The following MGAT4D variants were observed in gnomAD, a reference collection of about 807,000 sequenced individuals.
MGAT4D encodes alpha-1,3-mannosyl-glycoprotein 4-beta-N-acetylglucosaminyltransferase-like protein MGAT4D.
In MGAT4D, 34 loss-of-function variants were observed where a neutral mutation model predicts 15.9. The observed-to-expected ratio is 2.14, with a 90% CI of 1.62 to 2.84. The LOEUF is 2.84. Among genes scored for constraint, MGAT4D ranks in the 30% most tolerant of loss-of-function variants. The pLI, the probability that MGAT4D is intolerant of heterozygous loss-of-function variation, is 0.00. For missense variants in MGAT4D, 327 were observed against 140.2 expected (o/e 2.33, Z -6.73); for synonymous variants, 112 against 48.2 (o/e 2.33, Z -5.49).
At chr4:140,462,274 A>G (rs926071351) in intron 6 of MGAT4D, among the ~76,000 whole-genome samples, 2 of 152,142 alleles carry the variant, frequency 1.3e-5, no homozygotes, top group African/African-American at 2.4e-5. Context: ...ATAAGTTTTG[A>G]TCTAGATAAT....
chr4:140,485,942 A>T (rs998624949), intron 1 of MGAT4D, among the ~76,000 whole-genome samples: 4 of 151,316 alleles, frequency 2.6e-5, no homozygotes, highest in African/African-American at 9.7e-5. Flanking sequence ...CCTGTGGCAA[A>T]AATTGGATAA....
At chr4:140,482,040 G>A (rs937831551) in intron 2 of MGAT4D, among the ~76,000 whole-genome samples, 2 of 152,186 alleles carry the variant, frequency 1.3e-5, no homozygotes, top group African/African-American at 4.8e-5. Flanking sequence ...GTATGCAAGA[G>A]GTAGAGCGAG....
At chr4:140,468,292 CTACAA>C (rs1731681250) in intron 5 of MGAT4D, among the ~76,000 whole-genome samples, 1 of 152,074 alleles carries the variant, frequency 6.6e-6, no homozygotes, top group Non-Finnish European at 1.5e-5. Flanking sequence ...TCAATTCTAA[CTACAA>C]TACGGCAATT....
intron 1 of MGAT4D, among the ~76,000 whole-genome samples, chr4:140,493,049 T>A (rs1733605075): frequency 6.6e-6 from 1 of 152,208 alleles, no homozygotes; most frequent in Non-Finnish European, 1.5e-5. Context: ...TCCATTTTCT[T>A]GCTTCCTTAT....
chr4:140,488,858 ACT>A (rs901588488), intron 1 of MGAT4D, among the ~76,000 whole-genome samples: 4 of 151,062 alleles, frequency 2.6e-5, no homozygotes, highest in Non-Finnish European at 4.4e-5. Context: ...CCTCCCTGCC[ACT>A]CTCTCTCACT....
chr4:140,455,444 T>G (rs1730736348), intron 9 of MGAT4D, among the ~76,000 whole-genome samples: 1 of 152,250 alleles, frequency 6.6e-6, no homozygotes, highest in African/African-American at 2.4e-5. Context: ...AAAAATCATT[T>G]CAGTTTAAAT....
At chr4:140,495,582 A>G (rs751434481) in intron 1 of MGAT4D, among the ~76,000 whole-genome samples, 24 of 152,240 alleles carry the variant, frequency 1.6e-4, no homozygotes, top group Non-Finnish European at 2.8e-4. Context: ...AGTAGTGAAC[A>G]CAACAGAACA....
intron 7 of MGAT4D, among the ~76,000 whole-genome samples, chr4:140,461,545 T>C (rs909531172): frequency 2.6e-5 from 4 of 152,274 alleles, no homozygotes; most frequent in South Asian, 2.1e-4. Flanking sequence ...GATAAGTGTA[T>C]ACAATGTCTG....
intron 9 of MGAT4D, among the ~76,000 whole-genome samples, chr4:140,452,875 T>C (rs1023316264): frequency 6.6e-6 from 1 of 152,146 alleles, no homozygotes; most frequent in Non-Finnish European, 1.5e-5. Context: ...TTTTAGTGTT[T>C]AGATAGATGA....
At chr4:140,455,912 T>A (rs1440942827) in intron 9 of MGAT4D, among the ~76,000 whole-genome samples, 1 of 152,120 alleles carries the variant, frequency 6.6e-6, no homozygotes, top group Non-Finnish European at 1.5e-5. Flanking sequence ...CAACGTGGGC[T>A]GATGGCTTGA....
At chr4:140,444,544 C>T (rs542287291) in intron 10 of MGAT4D, among the ~76,000 whole-genome samples, 16 of 152,310 alleles carry the variant, frequency 1.1e-4, no homozygotes, top group Admixed American at 6.5e-4. Flanking sequence ...CTGCAAAGGA[C>T]ATGATCTCGT....
At chr4:140,490,770 G>A (rs1163299570) in intron 1 of MGAT4D, among the ~76,000 whole-genome samples, 1 of 152,152 alleles carries the variant, frequency 6.6e-6, no homozygotes, top group Non-Finnish European at 1.5e-5. Flanking sequence ...CTTTATTTTG[G>A]TTTGGGTTTG....
At chr4:140,444,842 T>G (rs1730006859) in intron 10 of MGAT4D, among the ~76,000 whole-genome samples, 1 of 151,978 alleles carries the variant, frequency 6.6e-6, no homozygotes, top group African/African-American at 2.4e-5. Flanking sequence ...ACTGTATAAG[T>G]GTTCTTTTTT....
At chr4:140,480,841 T>C (rs1327761603) in intron 2 of MGAT4D, among the ~76,000 whole-genome samples, 1 of 150,896 alleles carries the variant, frequency 6.6e-6, no homozygotes, top group Non-Finnish European at 1.5e-5. Context: ...GAAGCTGAGG[T>C]GGGAAGATCC....
chr4:140,444,593 T>C (rs1191232021), intron 10 of MGAT4D, among the ~76,000 whole-genome samples: 3 of 152,354 alleles, frequency 2.0e-5, no homozygotes, highest in Non-Finnish European at 1.5e-5. Flanking sequence ...GGTGTATGTG[T>C]ACCACATTTT....
At chr4:140,459,728 A>C in intron 7 of MGAT4D, 102 bp from the exon 8 acceptor site, 1 of 350,042 alleles carries the variant, frequency 2.9e-6, no homozygotes. Context: ...ATACTGAAGA[A>C]AATGGTTTTA....
intron 7 of MGAT4D, among the ~76,000 whole-genome samples, chr4:140,460,459 C>T (rs559791495): frequency 4.2e-4 from 64 of 152,322 alleles, no homozygotes; most frequent in African/African-American, 1.4e-3. Context: ...ATTTATGAGG[C>T]TCTGCCTGCA....
intron 6 of MGAT4D, among the ~76,000 whole-genome samples, chr4:140,462,837 T>G (rs1309574278): frequency 3.9e-5 from 6 of 152,184 alleles, no homozygotes; most frequent in Non-Finnish European, 1.5e-5. Context: ...ACAGGACTAA[T>G]GCGCAGCTCC....
Position 140,474,891 on chromosome 4 carries a change from T to C in MGAT4D, c.447A>G (p.Lys149=), listed in dbSNP as rs1732213277. 2 of 699,296 alleles carry C rather than the reference T, an allele frequency of 2.9e-6. No homozygotes were observed. The highest frequency in any genetic ancestry group is 3.5e-5 in the African/African-American group (2 of 57,118). 43.3% of individuals were successfully genotyped at this position (699,296 alleles called of 1,614,324 possible). ...TGGAGACAACAGAGGTCAGTGTCTG[T>C]TTCAGGTAACTATAATTTCCTCTGT... is the stretch of plus-strand genomic sequence containing the variant. ...TVNRGNYSYL[K]QTLTSVVSRM... The change falls in exon 4 of 11, where the codon AAA becomes AAG. Residue 149 remains lysine (K), a synonymous_variant. Coordinates refer to ENST00000511113, the MANE Select transcript of MGAT4D (RefSeq NM_001277353.2).
Sources: gnomAD v4.1 joint callset for allele counts (sites outside exome capture counted in the v4.1 genomes callset) on GRCh38, gnomAD v4.1.1 for gene constraint, MANE v1.5 for transcripts, NCBI Gene and HGNC (gene_info 2026-07-23, HGNC 2026-07-21) for gene names.